TRPC5: variants seen among roughly 807,000 people sequenced by gnomAD.
The protein encoded by TRPC5 is transient receptor potential cation channel subfamily C member 5, also known as short transient receptor potential channel 5.
A neutral mutation model predicts 56.5 loss-of-function variants in TRPC5; 9 were observed. That is an observed-to-expected ratio of 0.16 (90% CI 0.10 to 0.28). The LOEUF (loss-of-function observed/expected upper bound fraction) is 0.28. TRPC5 is among the 10% of genes least tolerant of loss of function. TRPC5 has a pLI of 1.00. For missense variants in TRPC5, 469 were observed against 748.9 expected (o/e 0.63, Z 4.36); for synonymous variants, 282 against 278.5 (o/e 1.01, Z -0.13).
At chrX:112,074,529 G>A (rs183502817) in intron 1 of TRPC5, among the ~76,000 whole-genome samples, 253 of 109,944 alleles carry the variant, frequency 2.3e-3, no homozygotes, top group Middle Eastern at 9.4e-3. Context: ...AAATCCTTTC[G>A]TATCTTCCTT....
intron 1 of TRPC5, among the ~76,000 whole-genome samples, chrX:112,061,603 C>T (rs907912224): frequency 9.0e-6 from 1 of 111,486 alleles, no homozygotes; most frequent in African/African-American, 3.3e-5. Flanking sequence ...GGCTGTGGTC[C>T]CTCCTTAACT....
chrX:111,782,613 C>T (rs1477343143), intron 7 of TRPC5, among the ~76,000 whole-genome samples: 1 of 111,328 alleles, frequency 9.0e-6, no homozygotes, highest in African/African-American at 3.3e-5. Flanking sequence ...TACATGCTTA[C>T]ATGTTCTAGA....
At chrX:111,845,675 C>G (rs1051290818) in intron 6 of TRPC5, among the ~76,000 whole-genome samples, 15 of 112,045 alleles carry the variant, frequency 1.3e-4, no homozygotes, top group African/African-American at 4.9e-4. Context: ...GGCCACTACA[C>G]AATTGCTCTT....
intron 7 of TRPC5, among the ~76,000 whole-genome samples, chrX:111,789,907 CAG>C (rs1267767712): frequency 1.8e-5 from 2 of 112,103 alleles, no homozygotes; most frequent in East Asian, 5.6e-4. Context: ...AGTCAGGAAA[CAG>C]TAGATGCTGG....
chrX:111,818,563 A>G, intron 7 of TRPC5, among the ~76,000 whole-genome samples: 1 of 108,751 alleles, frequency 9.2e-6, no homozygotes, highest in Admixed American at 9.8e-5. Flanking sequence ...AACTGAGGGT[A>G]GCATCAGCAA....
chrX:112,009,815 GA>G (rs1443816078), intron 1 of TRPC5, among the ~76,000 whole-genome samples: 1 of 110,806 alleles, frequency 9.0e-6, no homozygotes, highest in African/African-American at 3.3e-5. Flanking sequence ...TTGGACACAG[GA>G]AGGGGAGCAT....
At chrX:111,811,362 C>T (rs1359281413) in intron 7 of TRPC5, among the ~76,000 whole-genome samples, 1 of 112,217 alleles carries the variant, frequency 8.9e-6, no homozygotes, top group Admixed American at 9.4e-5. Context: ...TTGATGAGAC[C>T]CTGAACTAAA....
chrX:111,956,781 A>G (rs1423234334), intron 1 of TRPC5, among the ~76,000 whole-genome samples: 2 of 111,725 alleles, frequency 1.8e-5, no homozygotes, highest in African/African-American at 3.3e-5. Flanking sequence ...CCCCAGCCCA[A>G]TGAAAAAGTC....
intron 2 of TRPC5, among the ~76,000 whole-genome samples, chrX:111,913,408 G>A (rs995341145): frequency 1.9e-4 from 21 of 111,046 alleles, no homozygotes; most frequent in African/African-American, 6.6e-4. Flanking sequence ...GACAGGGTTC[G>A]TCCAACTTCC....
At chrX:111,953,689 G>A (rs1006691823) in intron 1 of TRPC5, among the ~76,000 whole-genome samples, 1 of 112,172 alleles carries the variant, frequency 8.9e-6, no homozygotes, top group Admixed American at 9.4e-5. Context: ...ACATGGAAAT[G>A]TGCTAAAGAG....
intron 5 of TRPC5, among the ~76,000 whole-genome samples, chrX:111,850,630 C>T (rs1923057947): frequency 8.9e-6 from 1 of 111,744 alleles, no homozygotes. Context: ...TTGGGAAGGA[C>T]TCCAACTTCT....
chrX:111,830,069 A>G (rs1481022271), intron 7 of TRPC5, among the ~76,000 whole-genome samples: 2 of 112,946 alleles, frequency 1.8e-5, no homozygotes, highest in African/African-American at 6.4e-5. Context: ...GCCCAAGGCA[A>G]TGGGAGCCCA....
At position 112,018,328 on chromosome X, in the gene TRPC5, G is replaced by A. The variant is rs1929182185; in HGVS notation, c.-22+63551C>T. On this transcript the variant is annotated intron_variant, in intron 1 of 10. Coordinates refer to ENST00000262839, the MANE Select transcript of TRPC5 (RefSeq NM_012471.3). ...TATTATATCTAGGTTTGTATTGAAC[G>A]CTGAAACTTTGGCTAAAAGGTTCAT... Among the ~76,000 whole-genome samples, 5 of 112,373 alleles carry A rather than the reference G, an allele frequency of 4.4e-5. No individual in the cohort carries two copies. The Admixed American group carries it at 4.7e-4, about 11-fold the overall frequency.
chrX:111,909,802 C>T (rs1242029662), intron 3 of TRPC5, among the ~76,000 whole-genome samples: 1 of 110,967 alleles, frequency 9.0e-6, no homozygotes, highest in African/African-American at 3.3e-5. Context: ...TTCTGGACAG[C>T]AAAAGGACTA....
intron 3 of TRPC5, among the ~76,000 whole-genome samples, chrX:111,906,420 A>C (rs1227555162): frequency 9.0e-6 from 1 of 111,431 alleles, no homozygotes. Flanking sequence ...GTAAATACAC[A>C]TACCTCTGTA....
chrX:111,932,269 A>G (rs1569528257), intron 2 of TRPC5, among the ~76,000 whole-genome samples: 1 of 111,974 alleles, frequency 8.9e-6, no homozygotes, highest in Non-Finnish European at 1.9e-5. Context: ...ATTGGAGGTG[A>G]TGAATAGGTT....
chrX:111,769,730 C>A lies in TRPC5; in HGVS notation c.*6583G>T, dbSNP rs1400832272. ...CTCATTATTTTATAATTGCACCTAT[C>A]AAAGTGCCTATTGTGTAGTAGCACT... is the stretch of plus-strand genomic sequence containing the variant. On this transcript the variant is annotated 3_prime_UTR_variant, in exon 11 of 11. Coordinates refer to ENST00000262839, the MANE Select transcript of TRPC5 (RefSeq NM_012471.3). Among the ~76,000 whole-genome samples the A allele has an allele frequency of 1.8e-5, 2 of 112,056 alleles. No homozygotes were observed. Among genetic ancestry groups the A allele is most frequent in the Non-Finnish European group, 3.8e-5 (2 of 53,161 alleles).
Position 111,857,959 on chromosome X carries a change from C to A in TRPC5, c.901-3853G>T, listed in dbSNP as rs777382176. Among the ~76,000 whole-genome samples, 62 of 112,457 alleles carry A rather than the reference C, an allele frequency of 5.5e-4. 1 individual carries two copies. The highest frequency in any genetic ancestry group is 2.0e-3 in the African/African-American group (61 of 30,969). ...TTTTAATGGTGGATATACCATCCAACCTTTATCTTCAATGCCTCTGCTCTG... is the reference window on the plus strand; with the variant it reads ...TTTTAATGGTGGATATACCATCCAAACTTTATCTTCAATGCCTCTGCTCTG... On this transcript the variant is annotated intron_variant, in intron 3 of 10. Transcript: ENST00000262839.
intron 7 of TRPC5, among the ~76,000 whole-genome samples, chrX:111,805,139 G>A (rs1002950746): frequency 3.6e-5 from 4 of 111,886 alleles, no homozygotes; most frequent in East Asian, 5.6e-4. Flanking sequence ...TTCTGATTAC[G>A]TGATGGATTA....
Sources: allele counts gnomAD v4.1 joint callset (sites outside exome capture counted in the v4.1 genomes callset), GRCh38; gene constraint gnomAD v4.1.1; transcripts MANE v1.5; gene names NCBI Gene and HGNC (gene_info 2026-07-23, HGNC 2026-07-21).